The following CELF2 variants were observed in gnomAD, a reference collection of about 807,000 sequenced individuals.
CELF2 encodes the protein CUG triplet repeat RNA-binding protein 2.
CELF2 carries 8 observed loss-of-function variants against 62.6 expected under a neutral mutation model. The ratio of observed to expected loss-of-function variants is 0.13; its 90% CI spans 0.07 to 0.23. The LOEUF (loss-of-function observed/expected upper bound fraction) is 0.23. Among genes scored for constraint, CELF2 ranks in the 10% least tolerant of loss-of-function variants. CELF2 has a pLI of 1.00. For synonymous variants in CELF2, 258 were observed against 250.0 expected, an observed-to-expected ratio of 1.03 and a Z score of -0.30; for missense variants, 333 against 671.0, an observed-to-expected ratio of 0.50 and a Z score of 5.56.
At chr10:10,875,312 T>A (rs900969183) in intron 1 of CELF2, among the ~76,000 whole-genome samples, 1 of 152,224 alleles carries the variant, frequency 6.6e-6, no homozygotes, top group Admixed American at 6.5e-5. Flanking sequence ...TCCAAAAGGA[T>A]AAAAAACTGC....
At chr10:10,489,803 T>C in the CELF2 span, among the ~76,000 whole-genome samples, 14 of 151,900 alleles carry the variant, frequency 9.2e-5, no homozygotes, top group African/African-American at 3.4e-4. Flanking sequence ...TCAGGTGGAG[T>C]TGACAATTTC....
At position 10,990,972 on chromosome 10, in the gene CELF2, T is replaced by C. The variant is rs993746365; in HGVS notation, c.89+70973T>C. On this transcript the variant is annotated intron_variant, in intron 2 of 13. Transcript: ENST00000636488. The surrounding 1 kb of genome is among the most constrained non-coding windows in gnomAD (Gnocchi z 4.6). ...CATCTTTTTGAGGTTCTTTTGCGTG[T>C]GTGTGTGTGTGTGTGTGCCCACACG... 6.6e-6 allele frequency among the ~76,000 whole-genome samples: 1 copy of C among 151,718 alleles called. No homozygotes were observed. Among genetic ancestry groups the C allele is most frequent in the African/African-American group, 2.4e-5 (1 of 41,186 alleles).
the CELF2 span, among the ~76,000 whole-genome samples, chr10:10,612,594 G>A: frequency 6.6e-6 from 1 of 152,200 alleles, no homozygotes; most frequent in African/African-American, 2.4e-5. Context: ...GAGGTAGAAG[G>A]AAGTTGAGTC....
At chr10:10,504,120 TAA>T in the CELF2 span, among the ~76,000 whole-genome samples, 1 of 152,104 alleles carries the variant, frequency 6.6e-6, no homozygotes, top group Non-Finnish European at 1.5e-5. Context: ...ACATAATTTT[TAA>T]AACTTAAGGA....
At chr10:11,125,966 T>G (rs368184243) in intron 1 of CELF2, among the ~76,000 whole-genome samples, 115 of 152,308 alleles carry the variant, frequency 7.6e-4, no homozygotes, top group African/African-American at 2.5e-3. Context: ...CAACACACGC[T>G]TATAATTTTT....
chr10:10,751,168 AC>A, the CELF2 span, among the ~76,000 whole-genome samples: 1 of 152,144 alleles, frequency 6.6e-6, no homozygotes, highest in Admixed American at 6.5e-5. Context: ...TGGGAGCAAA[AC>A]CTTTCTGGGA....
At chr10:10,833,663 C>A (rs761736680) in intron 1 of CELF2, among the ~76,000 whole-genome samples, 6 of 152,086 alleles carry the variant, frequency 3.9e-5, no homozygotes, top group Non-Finnish European at 5.9e-5. Flanking sequence ...CACGAACAGT[C>A]ACTTTTCAAA....
At chr10:10,656,781 T>A in the CELF2 span, among the ~76,000 whole-genome samples, 32 of 133,830 alleles carry the variant, frequency 2.4e-4, no homozygotes, top group Admixed American at 4.4e-4. Context: ...AGATGACGAG[T>A]TAGTGGGTGC....
At chr10:11,231,674 T>G (rs2068712913) in intron 3 of CELF2, among the ~76,000 whole-genome samples, 1 of 151,274 alleles carries the variant, frequency 6.6e-6, no homozygotes. Flanking sequence ...TTACTTAGTT[T>G]GTATATGGTT....
chr10:10,483,348 A>T, the CELF2 span, among the ~76,000 whole-genome samples: 1 of 152,208 alleles, frequency 6.6e-6, no homozygotes, highest in Non-Finnish European at 1.5e-5. Flanking sequence ...ATAGAGAGAA[A>T]AACAATTCCT....
chr10:11,134,125 C>T (rs776589401), intron 1 of CELF2, among the ~76,000 whole-genome samples: 3 of 152,144 alleles, frequency 2.0e-5, no homozygotes, highest in African/African-American at 4.8e-5. Context: ...AGAGGATCGC[C>T]GTCCTTCCCT....
intron 1 of CELF2, among the ~76,000 whole-genome samples, chr10:10,822,165 T>A (rs2057019597): frequency 1.3e-5 from 2 of 152,344 alleles, no homozygotes; most frequent in Middle Eastern, 3.4e-3. Context: ...GCAGCTGCGA[T>A]GCAATATGCT....
At chr10:10,489,895 A>G in the CELF2 span, among the ~76,000 whole-genome samples, 3 of 151,998 alleles carry the variant, frequency 2.0e-5, no homozygotes, top group Non-Finnish European at 2.9e-5. Flanking sequence ...CTATGTGAGT[A>G]CAGGTTTGGG....
the CELF2 span, among the ~76,000 whole-genome samples, chr10:10,758,161 C>T: frequency 6.6e-6 from 1 of 152,168 alleles, no homozygotes; most frequent in African/African-American, 2.4e-5. Context: ...AGGTAAACTA[C>T]AGCTCTAGAT....
rs570131824 is a variant in CELF2, at chr10:11,270,032, G to T, written c.619-634G>T. Among the ~76,000 whole-genome samples, 1 of 152,262 alleles carries T rather than the reference G, an allele frequency of 6.6e-6. No individual in the cohort carries two copies. Among genetic ancestry groups the T allele is most frequent in the South Asian group, 2.1e-4 (1 of 4,818 alleles). The stretch of plus-strand genomic sequence containing the variant: ...GTAGCACAGGTGTGCTGAGGGAAGA[G>T]GCCTCTCTGAAAACGTGAACGGTTA... On this transcript the variant is annotated intron_variant, in intron 6 of 12. Transcript: ENST00000633077. The surrounding 1 kb of genome is among the most constrained non-coding windows in gnomAD (Gnocchi z 5.8).
intron 1 of CELF2, among the ~76,000 whole-genome samples, chr10:10,824,357 T>C (rs960185419): frequency 6.6e-6 from 1 of 152,154 alleles, no homozygotes; most frequent in Non-Finnish European, 1.5e-5. Flanking sequence ...TTTCCATTTG[T>C]CTCATCTCAC....
At chr10:10,576,054 C>G in the CELF2 span, among the ~76,000 whole-genome samples, 1 of 152,194 alleles carries the variant, frequency 6.6e-6, no homozygotes, top group African/African-American at 2.4e-5. Flanking sequence ...TTTGCAGAAG[C>G]TGTAAGGCAG....
chr10:10,930,624 T>A (rs1177130982), intron 2 of CELF2, among the ~76,000 whole-genome samples: 1 of 152,204 alleles, frequency 6.6e-6, no homozygotes, highest in Non-Finnish European at 1.5e-5. Context: ...CATTCATATC[T>A]TCAGAGTTTA....
At chr10:10,739,898 A>G in the CELF2 span, among the ~76,000 whole-genome samples, 23 of 152,272 alleles carry the variant, frequency 1.5e-4, no homozygotes, top group African/African-American at 4.6e-4. Context: ...CTTTGGAAGT[A>G]TGTCTATTTA....
Sources: gnomAD v4.1 joint callset for allele counts (sites outside exome capture counted in the v4.1 genomes callset) on GRCh38, gnomAD v4.1.1 for gene constraint, Gnocchi (gnomAD v3.1) non-coding constraint, MANE v1.5 for transcripts, NCBI Gene and HGNC (gene_info 2026-07-23, HGNC 2026-07-21) for gene names.